The following STING1 variants were observed in gnomAD, a reference collection of about 807,000 sequenced individuals.
The protein encoded by STING1 is stimulator of interferon response cGAMP interactor 1, also known as stimulator of interferon genes protein.
In STING1, 19 loss-of-function variants were observed where a neutral mutation model predicts 31.6. The observed-to-expected ratio is 0.60, with a 90% CI of 0.42 to 0.88. The LOEUF (loss-of-function observed/expected upper bound fraction) is 0.88. Among genes scored for constraint, STING1 ranks in the 40% least tolerant of loss-of-function variants. The probability of loss-of-function intolerance (pLI) is 0.00; values close to 1 mark genes in which losing one functional copy is unlikely to be tolerated. For synonymous variants in STING1, 200 were observed against 208.6 expected, an observed-to-expected ratio of 0.96 and a Z score of 0.35; for missense variants, 371 against 483.7, an observed-to-expected ratio of 0.77 and a Z score of 2.19.
Position 139,477,518 on chromosome 5 carries a change from A to G in STING1, c.760-3T>C, listed in dbSNP as rs759930084. 2.2e-5 allele frequency: 36 copies of G among 1,612,260 alleles called. No individual in the cohort carries two copies. Among genetic ancestry groups the G allele is most frequent in the Middle Eastern group, 3.3e-4 (2 of 6,070 alleles). On this transcript the variant is annotated splice_polypyrimidine_tract_variant and splice_region_variant and intron_variant, in intron 6 of 7. Transcript: ENST00000330794. ...TACTCCAGGACACAGGTGCCCGCCT[A>G]GAGGAGGTAAGAGGAAGACCAGACT...
Position 139,481,430 on chromosome 5 carries a change from G to T in STING1, c.227+48C>A. The T allele has an allele frequency of 6.3e-7, 1 of 1,599,408 alleles. No homozygotes were observed. The highest frequency in any genetic ancestry group is 8.5e-7 in the Non-Finnish European group (1 of 1,170,254). The stretch of plus-strand genomic sequence containing the variant: ...GGAGGGGCAGGGCTAGGCATCAAGG[G>T]AGTGACACACGTTGGATACCCCGTC... On this transcript the variant is annotated intron_variant, in intron 3 of 7. Transcript: ENST00000330794. This position sits in a 1 kb window ranked among gnomAD's most constrained non-coding sequence, Gnocchi z 4.1.
chr5:139,479,216 A>G (rs1751756005), intron 5 of STING1: 1 of 151,040 alleles, frequency 6.6e-6, no homozygotes, highest in African/African-American at 2.5e-5. Flanking sequence ...TGGGTAACAG[A>G]AAGAGACTTC....
chr5:139,478,334 T>C lies in STING1; in HGVS notation c.695A>G (p.His232Arg), dbSNP rs1131769. ...LDKLPQQTGD[H>R]AGIKDRVYSN... ...GTAAACCCGATCCTTGATGCCAGCA[T>C]GGTCACCGGTCTGCTGGGGCAGTTT... Residue 232 changes from histidine to arginine, a missense_variant, in exon 6 of 8, where the codon CAT (histidine) becomes CGT (arginine). Coordinates refer to ENST00000330794, the MANE Select transcript of STING1 (RefSeq NM_198282.4). The C allele has an allele frequency of 0.87, 1,409,461 of 1,613,916 alleles. 615,846 individuals carry two copies. The highest frequency in any genetic ancestry group is 0.91 in the South Asian group (82,783 of 91,072).
intron 1 of STING1, 39 bp from the exon 2 acceptor site, chr5:139,482,341 A>T (rs1751880275): frequency 6.6e-6 from 1 of 152,200 alleles, no homozygotes; most frequent in Non-Finnish European, 1.5e-5. Flanking sequence ...TTTCTCCACA[A>T]CACTCTAGCC....
At chr5:139,479,909 C>G (rs1751785103) in intron 5 of STING1, among the ~76,000 whole-genome samples, 1 of 136,880 alleles carries the variant, frequency 7.3e-6, no homozygotes, top group Non-Finnish European at 1.5e-5. Flanking sequence ...GTAATTCCAG[C>G]TACTTGGGAG....
In STING1 at chr5:139,480,818, G is replaced by A. The variant is rs1288406103; in HGVS notation, c.492C>T (p.Tyr164=). The A allele has an allele frequency of 2.5e-6, 4 of 1,613,742 alleles. No homozygotes were observed. In the East Asian group the frequency reaches 6.7e-5, roughly 27 times the overall value. The part of the protein sequence containing the change: ...NVAHGLAWSY[Y]IGYLRLILPE... ...GCAGGATCAGCCGCAGATATCCGAT[G>A]TAATATGACCATGCCAGCCCATGGG... The change falls in exon 5 of 8, where the codon TAC becomes TAT. Residue 164 remains tyrosine (Y), a synonymous_variant. Transcript: ENST00000330794.
At position 139,481,059 on chromosome 5, in the gene STING1, A is replaced by G. The variant is rs536996325; in HGVS notation, c.411+100T>C. The G allele has an allele frequency of 1.5e-6, 2 of 1,335,060 alleles. No homozygotes were observed. Among genetic ancestry groups the G allele is most frequent in the East Asian group, 2.3e-5 (1 of 43,496 alleles). The allele number at this position is 1,335,060 out of a possible 1,614,324, so 82.7% of individuals were successfully genotyped here. On this transcript the variant is annotated intron_variant, in intron 4 of 7. Transcript: ENST00000330794. This position sits in a 1 kb window ranked among gnomAD's most constrained non-coding sequence, Gnocchi z 4.1. ...TTATAGGTTCTACTCCATGGACTCC[A>G]GCCTTTAAACCAGTCCCACTCCCAG...
chr5:139,480,403 G>A (rs547868332), intron 5 of STING1, among the ~76,000 whole-genome samples: 23 of 152,186 alleles, frequency 1.5e-4, no homozygotes, highest in Admixed American at 1.1e-3. Context: ...AAAATTAGCC[G>A]GGCGTTGTGG....
Position 139,481,096 on chromosome 5 carries a change from G to A in STING1, c.411+63C>T, listed in dbSNP as rs1751825072. 2 of 1,516,040 alleles carry A rather than the reference G, an allele frequency of 1.3e-6. No homozygotes were observed. The highest frequency in any genetic ancestry group is 1.7e-5 in the Admixed American group (1 of 59,754). The allele number at this position is 1,516,040 out of a possible 1,614,324, so 93.9% of individuals were successfully genotyped here. A position where few individuals can be genotyped will look rare whatever the true frequency, so the allele number is the denominator to read the frequency against. On this transcript the variant is annotated intron_variant, in intron 4 of 7. Coordinates refer to ENST00000330794, the MANE Select transcript of STING1 (RefSeq NM_198282.4). This position sits in a 1 kb window ranked among gnomAD's most constrained non-coding sequence, Gnocchi z 4.1. ...AGTCCCACTCCCAGTACTCAGCTCA[G>A]GGCAGGTCACACCAGCCACAGCCAC...
At chr5:139,477,960 C>T (rs1011784654) in intron 6 of STING1, among the ~76,000 whole-genome samples, 4 of 152,166 alleles carry the variant, frequency 2.6e-5, no homozygotes, top group East Asian at 1.9e-4. Context: ...CACTTTCCTA[C>T]GGTGTCTCTG....
chr5:139,480,931 C>G, intron 4 of STING1, 33 bp from the exon 5 acceptor site: 3 of 1,510,860 alleles, frequency 2.0e-6, no homozygotes, highest in Non-Finnish European at 2.8e-6. Flanking sequence ...GGGGGGCCTC[C>G]ATCAAGGACA....
chr5:139,479,014 A>C (rs557973145), intron 5 of STING1: 1 of 156,474 alleles, frequency 6.4e-6, no homozygotes, highest in East Asian at 1.9e-4. Flanking sequence ...GGATCATTTG[A>C]GGTCAGGAGT....
chr5:139,480,195 C>T (rs577962597), intron 5 of STING1, among the ~76,000 whole-genome samples: 46 of 151,988 alleles, frequency 3.0e-4, no homozygotes, highest in Non-Finnish European at 5.7e-4. Flanking sequence ...AAAGATTATT[C>T]CTTCCTCATA....
At position 139,476,347 on chromosome 5, in the gene STING1, G is replaced by T; in HGVS notation, c.1054C>A (p.Pro352Thr). ...TCTTGGGACATCGTGGAGGTACTGG[G>T]CACCGCTGAGGTCTTCAAGCTGCCC... ...TVGSLKTSAV[P>T]STSTMSQEPE... The change falls in exon 8 of 8, where the codon CCC becomes ACC. Residue 352 changes from proline (P) to threonine (T), a missense_variant. Transcript: ENST00000330794. 5 of 1,612,604 alleles carry T rather than the reference G, an allele frequency of 3.1e-6. No individual in the cohort carries two copies. Among genetic ancestry groups the T allele is most frequent in the Non-Finnish European group, 4.2e-6 (5 of 1,179,888 alleles).
intron 7 of STING1, 141 bp from the exon 8 acceptor site, chr5:139,476,595 T>G: frequency 1.4e-6 from 1 of 716,016 alleles, no homozygotes; most frequent in East Asian, 2.7e-5. Flanking sequence ...GACTAGAGTT[T>G]CATAGAATCC....
rs1321304491 is a variant in STING1, at chr5:139,481,613, A to G, written c.92T>C (p.Val31Ala). ...TGGCTCTCCTAGCCCCCAAAGGGTCACCAGGCAGGCACTCAGCAGAACCAA... is the reference window on the plus strand; with the variant it reads ...TGGCTCTCCTAGCCCCCAAAGGGTCGCCAGGCAGGCACTCAGCAGAACCAA... ...AALVLLSACL[V>A]TLWGLGEPPE... is the part of the protein sequence containing the mutation. The change falls in exon 3 of 8, where the codon GTG becomes GCG. Residue 31 changes from valine to alanine, a missense_variant. By Grantham distance (64) the Val-to-Ala change is moderately conservative. Transcript: ENST00000330794. The surrounding 1 kb of genome is among the most constrained non-coding windows in gnomAD (Gnocchi z 4.1). 6.2e-6 allele frequency: 10 copies of G among 1,613,556 alleles called. No individual in the cohort carries two copies. The highest frequency in any genetic ancestry group is 8.5e-6 in the Non-Finnish European group (10 of 1,179,854).
chr5:139,481,584 C>A lies in STING1; in HGVS notation c.121G>T (p.Glu41Ter). The A allele has an allele frequency of 6.2e-6, 10 of 1,613,834 alleles. No individual in the cohort carries two copies. The highest frequency in any genetic ancestry group is 8.5e-6 in the Non-Finnish European group (10 of 1,179,934). Reference sequence around the variant, plus strand: ...AGCACCAGGTACCGGAGAGTGTGCTCTGGTGGCTCTCCTAGCCCCCAAAGG... The same window carrying A: ...AGCACCAGGTACCGGAGAGTGTGCTATGGTGGCTCTCCTAGCCCCCAAAGG... ...VTLWGLGEPP[E>*]HTLRYLVLHL... Residue 41 changes from glutamate to a stop codon, truncating the protein, a stop_gained, in exon 3 of 8, where the codon GAG becomes TAG. Transcript: ENST00000330794. LOFTEE classifies it high-confidence loss of function. The surrounding 1 kb of genome is among the most constrained non-coding windows in gnomAD (Gnocchi z 4.1).
Position 139,477,324 on chromosome 5 carries a change from C to T in STING1, c.946+5G>A, listed in dbSNP as rs776838039. ...TATCAACCCCTCACCCTACCAACCC[C>T]TCACCCTGGTAGGCAATGAGGCGGC... On this transcript the variant is annotated splice_donor_5th_base_variant and intron_variant, in intron 7 of 7. Transcript: ENST00000330794. The T allele has an allele frequency of 1.5e-5, 24 of 1,613,192 alleles. No individual in the cohort carries two copies. The highest frequency in any genetic ancestry group is 1.7e-4 in the Middle Eastern group (1 of 5,774).
intron 5 of STING1, 106 bp from the exon 6 acceptor site, chr5:139,478,614 A>C: frequency 1.0e-6 from 1 of 986,316 alleles, no homozygotes; most frequent in Non-Finnish European, 1.6e-6. Flanking sequence ...GTGCCAGAGA[A>C]TGGAGAGTCC....
Sources: gnomAD v4.1 joint callset for allele counts (sites outside exome capture counted in the v4.1 genomes callset) on GRCh38, gnomAD v4.1.1 for gene constraint, Gnocchi (gnomAD v3.1) non-coding constraint, MANE v1.5 for transcripts, NCBI Gene and HGNC (gene_info 2026-07-23, HGNC 2026-07-21) for gene names.